The following CEP126 variants were observed in gnomAD, a reference collection of about 807,000 sequenced individuals.
The protein encoded by CEP126 is centrosomal protein 126.
Under a neutral mutation model 107.8 loss-of-function variants are expected in CEP126, and 74 were observed. The ratio of observed to expected loss-of-function variants is 0.69; its 90% confidence interval spans 0.57 to 0.83. CEP126 has a LOEUF of 0.83. Among genes scored for constraint, CEP126 ranks in the 40% least tolerant of loss-of-function variants. CEP126 has a pLI of 0.00. For synonymous variants in CEP126, 449 were observed against 446.0 expected (o/e 1.01, Z -0.08); for missense variants, 1,237 against 1,281.9 (o/e 0.96, Z 0.53).
chr11:101,956,568 C>A (rs759916994), intron 4 of CEP126: 1 of 456,312 alleles, frequency 2.2e-6, no homozygotes, highest in African/African-American at 2.0e-5. Flanking sequence ...TCCTTTTCTT[C>A]AGCCTGTATA....
rs1392963798 is a variant in CEP126 at position 101,999,590 on chromosome 11, C to T, written c.*1947C>T. On this transcript the variant is annotated 3_prime_UTR_variant, in exon 11 of 11. Coordinates refer to ENST00000263468, the MANE Select transcript of CEP126 (RefSeq NM_020802.4). ...ATTATGATATTGTCCTTTTATGAAACTGTCATATGACCAGAATTCTTCTGT... is the reference window on the plus strand; with the variant it reads ...ATTATGATATTGTCCTTTTATGAAATTGTCATATGACCAGAATTCTTCTGT... The T allele has an allele frequency of 1.3e-5, 2 of 150,224 alleles. No individual in the cohort carries two copies. Among genetic ancestry groups the T allele is most frequent in the Admixed American group, 6.6e-5 (1 of 15,100 alleles). 9.3% of individuals were successfully genotyped at this position (150,224 alleles called of 1,614,324 possible).
chr11:101,966,630 G>C (rs1002226037), intron 6 of CEP126, among the ~76,000 whole-genome samples: 1 of 152,090 alleles, frequency 6.6e-6, no homozygotes, highest in Non-Finnish European at 1.5e-5. Flanking sequence ...GGATAGTTCA[G>C]CTTTTATATG....
chr11:101,939,821 C>T (rs916628417), intron 2 of CEP126, among the ~76,000 whole-genome samples: 1 of 152,168 alleles, frequency 6.6e-6, no homozygotes, highest in Non-Finnish European at 1.5e-5. Context: ...TTCCCCTGAA[C>T]ATCTAGGCAG....
At chr11:101,933,850 A>G (rs1008108391) in intron 2 of CEP126, among the ~76,000 whole-genome samples, 4 of 146,454 alleles carry the variant, frequency 2.7e-5, no homozygotes, top group Non-Finnish European at 6.0e-5. Flanking sequence ...ACTTAAAGCA[A>G]TTGAAGATAT....
At chr11:101,990,518 A>T (rs1240904632) in intron 9 of CEP126, among the ~76,000 whole-genome samples, 2 of 152,104 alleles carry the variant, frequency 1.3e-5, no homozygotes, top group East Asian at 1.9e-4. Flanking sequence ...TGTTGGTGGG[A>T]GGGTCTAAAA....
intron 1 of CEP126, among the ~76,000 whole-genome samples, chr11:101,920,599 A>G (rs1032386334): frequency 3.3e-5 from 5 of 151,778 alleles, no homozygotes; most frequent in African/African-American, 1.2e-4. Context: ...ACGGTAATTC[A>G]ATGAACTTTT....
intron 10 of CEP126, 96 bp from the exon 11 acceptor site, chr11:101,997,503 G>A (rs545937928): frequency 2.6e-5 from 41 of 1,589,606 alleles, no homozygotes; most frequent in Non-Finnish European, 3.3e-5. Context: ...ATGTCAGGAT[G>A]TGTTGAATAT....
chr11:101,965,948 A>G (rs918508575), intron 6 of CEP126, among the ~76,000 whole-genome samples: 9 of 152,266 alleles, frequency 5.9e-5, no homozygotes, highest in African/African-American at 1.9e-4. Flanking sequence ...TAATTAGGAA[A>G]AATATTAGGA....
At chr11:101,941,167 G>A (rs544263370) in intron 2 of CEP126, among the ~76,000 whole-genome samples, 1 of 152,012 alleles carries the variant, frequency 6.6e-6, no homozygotes, top group Non-Finnish European at 1.5e-5. Flanking sequence ...CTATTTAATC[G>A]CTTTTGTTTT....
At chr11:101,950,779 CAG>C (rs1205121110) in intron 4 of CEP126, among the ~76,000 whole-genome samples, 5 of 152,126 alleles carry the variant, frequency 3.3e-5, no homozygotes, top group Admixed American at 6.6e-5. Flanking sequence ...GCTGATGGGA[CAG>C]GGGATGATCT....
intron 1 of CEP126, among the ~76,000 whole-genome samples, chr11:101,919,075 G>C (rs562396684): frequency 1.3e-5 from 2 of 152,236 alleles, no homozygotes; most frequent in African/African-American, 4.8e-5. Context: ...AAGGTGATAG[G>C]GAGCTTTTGG....
intron 2 of CEP126, among the ~76,000 whole-genome samples, chr11:101,926,160 T>TG (rs1490587726): frequency 6.6e-6 from 1 of 152,154 alleles, no homozygotes; most frequent in Non-Finnish European, 1.5e-5. Context: ...GGCAATGCTA[T>TG]GCAGTAAGTA....
At chr11:101,976,625 T>C (rs780560994) in intron 6 of CEP126, among the ~76,000 whole-genome samples, 1 of 152,186 alleles carries the variant, frequency 6.6e-6, no homozygotes, top group Admixed American at 6.5e-5. Context: ...CCCAGACCAA[T>C]TGAATTTTCA....
intron 2 of CEP126, among the ~76,000 whole-genome samples, chr11:101,933,843 T>C (rs185986584): frequency 8.7e-5 from 12 of 138,060 alleles, no homozygotes; most frequent in Admixed American, 6.8e-4. Flanking sequence ...AATTAAGACT[T>C]AAAGCAATTG....
intron 5 of CEP126, 95 bp downstream of exon 5, chr11:101,958,461 G>C (rs945968733): frequency 4.3e-6 from 4 of 927,712 alleles, no homozygotes; most frequent in Non-Finnish European, 6.7e-6. Flanking sequence ...TATCTTACTA[G>C]CTGAGAGCAG....
At chr11:101,984,067 C>CGG (rs1239562077) in intron 8 of CEP126, among the ~76,000 whole-genome samples, 2 of 152,220 alleles carry the variant, frequency 1.3e-5, no homozygotes, top group African/African-American at 4.8e-5. Context: ...CTTTATGCCA[C>CGG]GTGCTTTCCC....
chr11:101,960,830 C>T lies in CEP126; in HGVS notation c.706-911C>T, dbSNP rs534114843. Among the ~76,000 whole-genome samples the T allele has an allele frequency of 6.6e-5, 10 of 151,942 alleles. No homozygotes were observed. In the East Asian group the frequency reaches 1.9e-3, roughly 29 times the overall value. On this transcript the variant is annotated intron_variant, in intron 5 of 10. Coordinates refer to ENST00000263468, the MANE Select transcript of CEP126 (RefSeq NM_020802.4). ...ATCTTAAGGGATATCAATTTTCTTT[C>T]CATTCAGCATTTTGACTAGATATAC... is the stretch of plus-strand genomic sequence containing the variant.
At chr11:101,966,434 C>T (rs1463748480) in intron 6 of CEP126, among the ~76,000 whole-genome samples, 1 of 152,110 alleles carries the variant, frequency 6.6e-6, no homozygotes, top group Non-Finnish European at 1.5e-5. Context: ...TTGTGGAGAG[C>T]ATCTTGTTCT....
At chr11:101,938,169 A>AAAAAAAAAAAAAAAAAAAAAAC (rs1565353082) in intron 2 of CEP126, among the ~76,000 whole-genome samples, 34 of 143,910 alleles carry the variant, frequency 2.4e-4, no homozygotes, top group African/African-American at 8.5e-4. Context: ...CAAAAAAAAA[A>AAAAAAAAAAAAAAAAAAAAAAC]AAAAAAATAC....
Sources: gnomAD v4.1 joint callset for allele counts (sites outside exome capture counted in the v4.1 genomes callset) on GRCh38, gnomAD v4.1.1 for gene constraint, MANE v1.5 for transcripts, NCBI Gene and HGNC (gene_info 2026-07-23, HGNC 2026-07-21) for gene names.